Variants in LRMDA observed in about 807,000 individuals in gnomAD.
LRMDA encodes leucine rich melanocyte differentiation associated, also known as leucine-rich melanocyte differentiation-associated protein.
LRMDA carries 18 observed loss-of-function variants against 29.8 expected under a neutral mutation model. The ratio of observed to expected loss-of-function variants is 0.60; its 90% CI spans 0.42 to 0.90. The LOEUF is 0.90. Among genes scored for constraint, LRMDA ranks in the 40% least tolerant of loss-of-function variants. LRMDA has a pLI of 0.00. For synonymous variants in LRMDA, 125 were observed against 109.4 expected (o/e 1.14, Z -0.89); for missense variants, 273 against 273.9 (o/e 1.00, Z 0.02).
At chr10:75,493,348 G>GGGGTGTGTGT (rs1554894323) in intron 2 of LRMDA, among the ~76,000 whole-genome samples, 45 of 133,354 alleles carry the variant, frequency 3.4e-4, no homozygotes, top group African/African-American at 1.0e-3. Flanking sequence ...GTTGAGATTG[G>GGGGTGTGTGT]GTGTGTGTGT....
At chr10:75,842,886 T>C (rs1306456352) in intron 2 of LRMDA, among the ~76,000 whole-genome samples, 1 of 150,758 alleles carries the variant, frequency 6.6e-6, no homozygotes, top group East Asian at 1.9e-4. Context: ...CCTGGGGTGG[T>C]AGCATGAGCT....
At chr10:76,208,287 A>C (rs1851573834) in intron 5 of LRMDA, among the ~76,000 whole-genome samples, 1 of 152,224 alleles carries the variant, frequency 6.6e-6, no homozygotes, top group African/African-American at 2.4e-5. Context: ...AAGAGAGCTT[A>C]AAACAAGAAA....
chr10:76,403,633 T>G (rs1436587956), intron 6 of LRMDA, among the ~76,000 whole-genome samples: 2 of 152,216 alleles, frequency 1.3e-5, no homozygotes, highest in Non-Finnish European at 2.9e-5. Flanking sequence ...TACTGTTCAG[T>G]GCATAATGAG....
intron 5 of LRMDA, among the ~76,000 whole-genome samples, chr10:76,310,770 G>C (rs1589422083): frequency 6.6e-6 from 1 of 152,174 alleles, no homozygotes; most frequent in African/African-American, 2.4e-5. Context: ...AAAATGGCTT[G>C]TTTTCCACTA....
intron 2 of LRMDA, among the ~76,000 whole-genome samples, chr10:75,753,771 G>T (rs1037844853): frequency 6.6e-5 from 10 of 152,232 alleles, no homozygotes; most frequent in Non-Finnish European, 1.5e-4. Context: ...CTGGCTGCAG[G>T]TTAGAAATGA....
intron 2 of LRMDA, among the ~76,000 whole-genome samples, chr10:76,026,245 G>A (rs1322483714): frequency 6.6e-6 from 1 of 152,248 alleles, no homozygotes; most frequent in Non-Finnish European, 1.5e-5. Flanking sequence ...GATAAAGGAT[G>A]TGGCGATGGT....
chr10:75,499,098 T>C (rs1845082438), intron 2 of LRMDA, among the ~76,000 whole-genome samples: 1 of 152,118 alleles, frequency 6.6e-6, no homozygotes, highest in Non-Finnish European at 1.5e-5. Context: ...GCCTGGAGCC[T>C]GGAATCTAGA....
intron 2 of LRMDA, among the ~76,000 whole-genome samples, chr10:75,876,096 G>T (rs913258909): frequency 6.6e-6 from 1 of 152,190 alleles, no homozygotes; most frequent in South Asian, 2.1e-4. Flanking sequence ...AACACTGATT[G>T]GACCCTGGTG....
intron 2 of LRMDA, among the ~76,000 whole-genome samples, chr10:75,925,095 A>G (rs2132394232): frequency 6.6e-6 from 1 of 152,302 alleles, no homozygotes; most frequent in Non-Finnish European, 1.5e-5. Context: ...AGATGACACC[A>G]ATACCAAGTC....
At chr10:75,522,857 G>T (rs1158409665) in intron 2 of LRMDA, among the ~76,000 whole-genome samples, 1 of 152,224 alleles carries the variant, frequency 6.6e-6, no homozygotes, top group Non-Finnish European at 1.5e-5. Context: ...ATGACATCAG[G>T]CCCTGGAAGT....
intron 2 of LRMDA, among the ~76,000 whole-genome samples, chr10:75,788,473 G>A (rs1024071321): frequency 3.3e-5 from 5 of 152,222 alleles, no homozygotes; most frequent in African/African-American, 4.8e-5. Context: ...CTAGTTGTCC[G>A]TCCCATTTTT....
chr10:76,417,113 G>A (rs1312367526), intron 6 of LRMDA, among the ~76,000 whole-genome samples: 1 of 152,138 alleles, frequency 6.6e-6, no homozygotes, highest in East Asian at 1.9e-4. Context: ...ATTACAGATT[G>A]CATCAACAAT....
chr10:76,128,436 C>G (rs183238702), intron 5 of LRMDA, among the ~76,000 whole-genome samples: 27 of 152,294 alleles, frequency 1.8e-4, no homozygotes, highest in South Asian at 1.7e-3. Context: ...AGGAATGTGG[C>G]CCCTGACGTC....
At chr10:75,645,316 G>A (rs937066754) in intron 2 of LRMDA, among the ~76,000 whole-genome samples, 8 of 152,210 alleles carry the variant, frequency 5.3e-5, no homozygotes, top group African/African-American at 1.9e-4. Flanking sequence ...ATTGTGAACT[G>A]TAGGTGATAC....
chr10:75,955,422 G>A (rs527291824), intron 2 of LRMDA, among the ~76,000 whole-genome samples: 47 of 152,308 alleles, frequency 3.1e-4, no homozygotes, highest in African/African-American at 9.9e-4. Flanking sequence ...TTGGTTGGGA[G>A]GTGAGGCATT....
At chr10:75,632,324 T>C (rs1841334010) in intron 2 of LRMDA, among the ~76,000 whole-genome samples, 1 of 152,244 alleles carries the variant, frequency 6.6e-6, no homozygotes, top group African/African-American at 2.4e-5. Flanking sequence ...ATCTGGTTGT[T>C]CTCAGCATTT....
intron 5 of LRMDA, among the ~76,000 whole-genome samples, chr10:76,183,069 T>C (rs1254230581): frequency 6.6e-6 from 1 of 152,184 alleles, no homozygotes; most frequent in African/African-American, 2.4e-5. Flanking sequence ...TGCCCATCTT[T>C]AGGAAGGAGT....
chr10:76,310,484 A>ATT (rs34687226), intron 5 of LRMDA, among the ~76,000 whole-genome samples: 1 of 151,628 alleles, frequency 6.6e-6, no homozygotes, highest in Non-Finnish European at 1.5e-5. Context: ...CAAAAGAGGT[A>ATT]TTTTTTCCCT....
chr10:75,871,803 C>G (rs1046255899), intron 2 of LRMDA, among the ~76,000 whole-genome samples: 2 of 152,198 alleles, frequency 1.3e-5, no homozygotes, highest in African/African-American at 2.4e-5. Flanking sequence ...CTAATTTTAT[C>G]TTCCCCTACT....
Sources: allele counts gnomAD v4.1 joint callset (sites outside exome capture counted in the v4.1 genomes callset), GRCh38; gene constraint gnomAD v4.1.1; transcripts MANE v1.5; gene names NCBI Gene and HGNC (gene_info 2026-07-23, HGNC 2026-07-21).